The following MYO9A variants were observed in gnomAD, a reference collection of about 807,000 sequenced individuals.
MYO9A encodes unconventional myosin-IXa.
MYO9A carries 103 observed loss-of-function variants against 293.3 expected under a neutral mutation model. The observed-to-expected ratio is 0.35, with a 90% CI of 0.30 to 0.41. MYO9A has a LOEUF of 0.41. MYO9A is among the 10% of genes least tolerant of loss of function. The pLI is 1.00. For synonymous variants in MYO9A, 1,001 were observed against 1,035.7 expected (o/e 0.97, Z 0.64); for missense variants, 2,685 against 3,033.0 (o/e 0.89, Z 2.69).
intron 10 of MYO9A, among the ~76,000 whole-genome samples, chr15:71,992,788 T>C (rs2076577588): frequency 6.6e-6 from 1 of 151,566 alleles, no homozygotes. Context: ...AGAAAAAGTC[T>C]AAACATAAAA....
At chr15:72,097,684 C>T (rs992776089) in intron 1 of MYO9A, among the ~76,000 whole-genome samples, 1 of 152,024 alleles carries the variant, frequency 6.6e-6, no homozygotes, top group African/African-American at 2.4e-5. Flanking sequence ...CCAAGGTGGG[C>T]GGATCATGAG....
intron 34 of MYO9A, among the ~76,000 whole-genome samples, chr15:71,856,163 T>C (rs2055854966): frequency 6.6e-6 from 1 of 151,828 alleles, no homozygotes; most frequent in Non-Finnish European, 1.5e-5. Flanking sequence ...ATACAAAAAT[T>C]AGCCAGGCAT....
chr15:72,087,077 T>A (rs182662286), intron 1 of MYO9A, among the ~76,000 whole-genome samples: 15 of 152,266 alleles, frequency 9.9e-5, no homozygotes, highest in African/African-American at 3.4e-4. Context: ...CAGGAGCTAT[T>A]CTACTGCAGC....
At chr15:71,859,839 C>T (rs759531341) in intron 33 of MYO9A, 43 bp from the exon 34 acceptor site, 8 of 1,521,296 alleles carry the variant, frequency 5.3e-6, no homozygotes, top group Non-Finnish European at 7.3e-6. Context: ...GAAGTCTGTA[C>T]ATCAGTGATA....
chr15:71,852,874 G>A (rs536799923), intron 35 of MYO9A, among the ~76,000 whole-genome samples: 5 of 152,302 alleles, frequency 3.3e-5, no homozygotes, highest in East Asian at 1.9e-4. Context: ...GAGACAGGCC[G>A]ATTACTTGAG....
chr15:71,884,772 A>T (rs1229168601), intron 27 of MYO9A, among the ~76,000 whole-genome samples: 1 of 152,098 alleles, frequency 6.6e-6, no homozygotes. Flanking sequence ...CAATTAAAAA[A>T]TTTTGAGTAT....
At chr15:71,832,092 T>G (rs2054752030) in intron 39 of MYO9A, among the ~76,000 whole-genome samples, 1 of 152,030 alleles carries the variant, frequency 6.6e-6, no homozygotes, top group South Asian at 2.1e-4. Flanking sequence ...GCCTGGCCAA[T>G]ATGAAGAAAC....
At chr15:71,846,258 G>GTGT (rs2055381987) in intron 39 of MYO9A, among the ~76,000 whole-genome samples, 1 of 152,172 alleles carries the variant, frequency 6.6e-6, no homozygotes, top group South Asian at 2.1e-4. Flanking sequence ...CGGAATAGCA[G>GTGT]TGTTGAACAA....
intron 15 of MYO9A, among the ~76,000 whole-genome samples, chr15:71,943,771 G>A (rs1421509592): frequency 2.0e-5 from 3 of 152,076 alleles, no homozygotes; most frequent in Non-Finnish European, 2.9e-5. Flanking sequence ...ACTTTATACA[G>A]ATGGAATAAA....
intron 15 of MYO9A, among the ~76,000 whole-genome samples, chr15:71,947,207 G>A (rs752409878): frequency 6.6e-5 from 10 of 151,542 alleles, no homozygotes; most frequent in South Asian, 2.1e-4. Flanking sequence ...ACTTGAACCC[G>A]GGAGGTGGAG....
chr15:72,106,619 G>C (rs541092846), intron 1 of MYO9A, among the ~76,000 whole-genome samples: 1 of 145,872 alleles, frequency 6.9e-6, no homozygotes, highest in African/African-American at 2.5e-5. Context: ...TTTTTTTTTT[G>C]AAATAGGGTT....
chr15:71,871,441 AC>A lies in MYO9A; in HGVS notation c.5979+4349del. Among the ~76,000 whole-genome samples the A allele has an allele frequency of 2.0e-5, 3 of 151,974 alleles. No individual in the cohort carries two copies. The South Asian group carries it at 6.2e-4, about 32-fold the overall frequency. On this transcript the variant is annotated intron_variant, in intron 32 of 41. Transcript: ENST00000356056. ...ATGGACAGGTATGGTGGCTCACACC[AC>A]CCAGTACTTTGGGAGGTTGAGGTAG...
intron 32 of MYO9A, among the ~76,000 whole-genome samples, chr15:71,874,774 T>G (rs2056630688): frequency 6.6e-6 from 1 of 152,174 alleles, no homozygotes; most frequent in Non-Finnish European, 1.5e-5. Context: ...CGCCTTCATA[T>G]GAACATGCAA....
At chr15:71,827,301 A>G (rs1380636092) in intron 41 of MYO9A, among the ~76,000 whole-genome samples, 2 of 152,190 alleles carry the variant, frequency 1.3e-5, no homozygotes, top group Non-Finnish European at 2.9e-5. Flanking sequence ...TATCATTTCA[A>G]AAACTGCCAG....
Position 71,825,566 on chromosome 15 carries a change from G to A in MYO9A, c.*1014C>T, listed in dbSNP as rs2054447412. 6.6e-6 allele frequency: 1 copy of A among 152,166 alleles called. No homozygotes were observed. 9.4% of individuals were successfully genotyped at this position (152,166 alleles called of 1,614,324 possible). ...CTTACTTATTCATGCAATATTGTAT[G>A]TGAATGTTTTTGGAAACTAACTAAA... On this transcript the variant is annotated 3_prime_UTR_variant, in exon 42 of 42. Transcript: ENST00000356056.
At chr15:72,036,263 T>C (rs923028488) in intron 2 of MYO9A, among the ~76,000 whole-genome samples, 2 of 152,180 alleles carry the variant, frequency 1.3e-5, no homozygotes, top group Non-Finnish European at 2.9e-5. Flanking sequence ...AGTACTTAAA[T>C]CTTTTGAAAA....
intron 27 of MYO9A, among the ~76,000 whole-genome samples, chr15:71,885,191 T>C (rs1420659640): frequency 1.3e-5 from 2 of 152,068 alleles, no homozygotes; most frequent in Non-Finnish European, 2.9e-5. Flanking sequence ...ATTAGGCATG[T>C]TCCACCATTC....
intron 12 of MYO9A, among the ~76,000 whole-genome samples, chr15:71,969,257 C>A (rs2075954727): frequency 6.6e-6 from 1 of 152,124 alleles, no homozygotes; most frequent in African/African-American, 2.4e-5. Context: ...CCTTGACCTG[C>A]TTTTGTATTC....
chr15:71,866,282 T>C (rs1056578753), intron 32 of MYO9A, among the ~76,000 whole-genome samples: 3 of 152,200 alleles, frequency 2.0e-5, no homozygotes, highest in Non-Finnish European at 2.9e-5. Context: ...ATACAGACTA[T>C]GTATGTTTAT....
Sources: allele counts gnomAD v4.1 joint callset (sites outside exome capture counted in the v4.1 genomes callset), GRCh38; gene constraint gnomAD v4.1.1; transcripts MANE v1.5; gene names NCBI Gene and HGNC (gene_info 2026-07-23, HGNC 2026-07-21).